The following TENM4 variants were observed in gnomAD, a reference collection of about 807,000 sequenced individuals.
TENM4 encodes the protein teneurin transmembrane protein 4, also known as teneurin-4.
Under a neutral mutation model 243.3 loss-of-function variants are expected in TENM4, and 82 were observed. That is an observed-to-expected ratio of 0.34 (90% confidence interval 0.28 to 0.40). The LOEUF is 0.40. Among genes scored for constraint, TENM4 ranks in the 10% least tolerant of loss-of-function variants. The pLI is 1.00. For missense variants in TENM4, 3,138 were observed against 3,673.3 expected, an observed-to-expected ratio of 0.85 and a Z score of 3.77; for synonymous variants, 1,412 against 1,456.3, an observed-to-expected ratio of 0.97 and a Z score of 0.69.
At chr11:78,937,589 A>C (rs1856812339) in intron 6 of TENM4, among the ~76,000 whole-genome samples, 1 of 152,210 alleles carries the variant, frequency 6.6e-6, no homozygotes, top group Admixed American at 6.5e-5. Context: ...TAGGTGTTAA[A>C]TAAAATTTAT....
At chr11:79,171,764 A>G (rs1160093538) in intron 3 of TENM4, among the ~76,000 whole-genome samples, 1 of 152,240 alleles carries the variant, frequency 6.6e-6, no homozygotes, top group East Asian at 1.9e-4. Flanking sequence ...AGCAAAGAAG[A>G]GTCAGCTTTT....
intron 2 of TENM4, among the ~76,000 whole-genome samples, chr11:79,285,443 G>C (rs1210086067): frequency 6.6e-6 from 1 of 152,150 alleles, no homozygotes; most frequent in East Asian, 1.9e-4. Context: ...TTGAAAATAG[G>C]TTGGCAGTTG....
At chr11:78,858,762 T>G (rs1257667407) in intron 10 of TENM4, among the ~76,000 whole-genome samples, 1 of 152,190 alleles carries the variant, frequency 6.6e-6, no homozygotes, top group Non-Finnish European at 1.5e-5. Context: ...AGGCAAAAAG[T>G]CTTGTGTATA....
In TENM4 at chr11:79,070,027, A is replaced by G; in HGVS notation, c.-65-18T>C. 2.0e-6 allele frequency: 3 copies of G among 1,488,328 alleles called. No homozygotes were observed. Among genetic ancestry groups the G allele is most frequent in the Non-Finnish European group, 2.7e-6 (3 of 1,122,104 alleles). The allele number at this position is 1,488,328 out of a possible 1,614,324, so 92.2% of individuals were successfully genotyped here. On this transcript the variant is annotated intron_variant, in intron 4 of 33. Transcript: ENST00000278550. ...CGAGTGGTCTAGAGCCAGGGAAACCAAAGATAGGGCGTGAGAGGCAGAGAA... is the reference window on the plus strand; with the variant it reads ...CGAGTGGTCTAGAGCCAGGGAAACCGAAGATAGGGCGTGAGAGGCAGAGAA...
At chr11:78,773,895 T>C (rs1317990398) in intron 17 of TENM4, among the ~76,000 whole-genome samples, 4 of 152,222 alleles carry the variant, frequency 2.6e-5, no homozygotes, top group Non-Finnish European at 5.9e-5. Flanking sequence ...AACTTTTTGT[T>C]AAAAATGTTC....
chr11:78,891,661 G>A (rs1591105238), intron 7 of TENM4, among the ~76,000 whole-genome samples: 1 of 152,316 alleles, frequency 6.6e-6, no homozygotes, highest in Admixed American at 6.5e-5. Flanking sequence ...AAATGGCTAT[G>A]TGAGGAAGGC....
chr11:79,289,646 G>A (rs907422079), intron 2 of TENM4, among the ~76,000 whole-genome samples: 17 of 152,216 alleles, frequency 1.1e-4, no homozygotes, highest in African/African-American at 4.1e-4. Context: ...CTGATCCTAA[G>A]AGCATGCTCC....
At chr11:79,357,260 T>A (rs1010369089) in intron 1 of TENM4, among the ~76,000 whole-genome samples, 1 of 152,236 alleles carries the variant, frequency 6.6e-6, no homozygotes, top group Non-Finnish European at 1.5e-5. Flanking sequence ...TGATCTCCAA[T>A]GCTACACATT....
chr11:78,769,007 C>T (rs866591878), intron 18 of TENM4, among the ~76,000 whole-genome samples: 9 of 152,210 alleles, frequency 5.9e-5, no homozygotes, highest in South Asian at 2.1e-4. Context: ...GAGAGAGGTA[C>T]GCCCTTTCCC....
chr11:79,056,535 T>C (rs926796533), intron 6 of TENM4, among the ~76,000 whole-genome samples: 1 of 152,030 alleles, frequency 6.6e-6, no homozygotes, highest in African/African-American at 2.4e-5. Flanking sequence ...TTTCGTGCTA[T>C]GCGGAGGAGG....
intron 6 of TENM4, among the ~76,000 whole-genome samples, chr11:78,981,130 T>C (rs1428089940): frequency 6.6e-6 from 1 of 152,116 alleles, no homozygotes; most frequent in Non-Finnish European, 1.5e-5. Context: ...TGCTGATGAT[T>C]TTTATATCTC....
chr11:78,898,094 A>T (rs1376440750), intron 7 of TENM4, among the ~76,000 whole-genome samples: 1 of 152,218 alleles, frequency 6.6e-6, no homozygotes, highest in African/African-American at 2.4e-5. Context: ...CCCTAAACAT[A>T]TGGCTCCCTC....
intron 10 of TENM4, among the ~76,000 whole-genome samples, chr11:78,861,833 G>A (rs1470179738): frequency 1.3e-5 from 2 of 152,212 alleles, no homozygotes; most frequent in African/African-American, 4.8e-5. Flanking sequence ...GGCAGCTATT[G>A]CCAATGTGCT....
rs1856054492 is a variant in TENM4, at chr11:79,276,281, A to C, written c.-265+21207T>G. On this transcript the variant is annotated intron_variant, in intron 2 of 33. Coordinates refer to ENST00000278550, the MANE Select transcript of TENM4 (RefSeq NM_001098816.3). ...ATACTGTATAAGACATGAGGACAGG[A>C]GGGACCTCAGAGCCAGCTCACACTC... Among the ~76,000 whole-genome samples, 3 of 152,220 alleles carry C rather than the reference A, an allele frequency of 2.0e-5. No individual in the cohort carries two copies. In the South Asian group the frequency reaches 6.2e-4, roughly 32 times the overall value.
chr11:79,228,518 C>T (rs1864316131), intron 2 of TENM4, among the ~76,000 whole-genome samples: 1 of 152,240 alleles, frequency 6.6e-6, no homozygotes, highest in South Asian at 2.1e-4. Context: ...CTCGCCATCC[C>T]CACCCACCTT....
intron 2 of TENM4, among the ~76,000 whole-genome samples, chr11:79,283,639 T>A (rs79736435): frequency 5.9e-5 from 9 of 152,194 alleles, no homozygotes; most frequent in African/African-American, 2.2e-4. Context: ...GCTTTCCCCC[T>A]AAGATTAGAA....
At position 78,864,433 on chromosome 11, in the gene TENM4, CAAAAAAAAAAAAAAAAA is replaced by C. The variant is rs145489804; in HGVS notation, c.1085-1318_1085-1302del. ...TGGGCGACAGAGCGAGACTCCGTCT[CAAAAAAAAAAAAAAAAA>C]AAAAAAAAAAAAAAGATATTTTTCC... On this transcript the variant is annotated intron_variant, in intron 9 of 33. Coordinates refer to ENST00000278550, the MANE Select transcript of TENM4 (RefSeq NM_001098816.3). 4.1e-4 allele frequency among the ~76,000 whole-genome samples: 15 copies of C among 36,212 alleles called. No homozygotes were observed. The East Asian group carries it at 0.04, about 96-fold the overall frequency. 23.8% of individuals were successfully genotyped at this position (36,212 alleles called of 152,430 possible). A position where few individuals can be genotyped will look rare whatever the true frequency, so the allele number is the denominator to read the frequency against.
At chr11:78,945,230 C>A (rs1856983721) in intron 6 of TENM4, among the ~76,000 whole-genome samples, 1 of 152,180 alleles carries the variant, frequency 6.6e-6, no homozygotes, top group Non-Finnish European at 1.5e-5. Context: ...GCCATTTTTC[C>A]AACAGCACAT....
chr11:79,096,168 G>T (rs941424026), intron 4 of TENM4: 1 of 152,146 alleles, frequency 6.6e-6, no homozygotes, highest in Admixed American at 6.5e-5. Flanking sequence ...CAAAATGGGG[G>T]TACTGTCTAC....
Sources: allele counts gnomAD v4.1 joint callset (sites outside exome capture counted in the v4.1 genomes callset), GRCh38; gene constraint gnomAD v4.1.1; transcripts MANE v1.5; gene names NCBI Gene and HGNC (gene_info 2026-07-23, HGNC 2026-07-21).